EBF1: variants seen among roughly 807,000 people sequenced by gnomAD.
EBF1 encodes transcription factor COE1.
In EBF1, 10 loss-of-function variants were observed where a neutral mutation model predicts 68.4. The observed-to-expected ratio is 0.15, with a 90% CI of 0.09 to 0.25. The LOEUF is 0.25. EBF1 is among the 10% of genes least tolerant of loss of function. EBF1 has a pLI of 1.00. For missense variants in EBF1, 509 were observed against 794.4 expected (o/e 0.64, Z 4.32); for synonymous variants, 298 against 299.8 (o/e 0.99, Z 0.06).
At chr5:158,750,218 T>C (rs964381481) in intron 10 of EBF1, among the ~76,000 whole-genome samples, 3 of 152,166 alleles carry the variant, frequency 2.0e-5, no homozygotes, top group Admixed American at 6.5e-5. Context: ...CATTATAATA[T>C]TCAAACAATA....
At chr5:158,954,156 T>C (rs1350431445) in intron 6 of EBF1, among the ~76,000 whole-genome samples, 1 of 152,078 alleles carries the variant, frequency 6.6e-6, no homozygotes, top group Non-Finnish European at 1.5e-5. Context: ...CACAGCTTTC[T>C]TCCAGTTTCC....
In EBF1 at chr5:158,707,669, A is replaced by C. The variant is rs542981733; in HGVS notation, c.1744+310T>G. The stretch of plus-strand genomic sequence containing the variant: ...TGGCGACCACAAGGAGTGAAAGAGG[A>C]GAAAAGAGAAATGATGCTGTTAGTC... On this transcript the variant is annotated intron_variant, in intron 15 of 15. Coordinates refer to ENST00000313708, the MANE Select transcript of EBF1 (RefSeq NM_024007.5). 2 of 355,814 alleles carry C rather than the reference A, an allele frequency of 5.6e-6. 1 individual carries two copies. Among genetic ancestry groups the C allele is most frequent in the East Asian group, 7.8e-5 (2 of 25,774 alleles). 22.0% of individuals were successfully genotyped at this position (355,814 alleles called of 1,614,324 possible).
chr5:158,714,735 A>G (rs928472336), intron 11 of EBF1, among the ~76,000 whole-genome samples: 9 of 152,184 alleles, frequency 5.9e-5, no homozygotes, highest in African/African-American at 1.9e-4. Context: ...ACTGTTTGTC[A>G]AAAACTCTTA....
intron 11 of EBF1, 36 bp downstream of exon 11, chr5:158,731,033 A>C: frequency 6.3e-7 from 1 of 1,596,300 alleles, no homozygotes; most frequent in Non-Finnish European, 8.6e-7. Flanking sequence ...GCTCAAGTCC[A>C]AATTTTCAGG....
intron 10 of EBF1, among the ~76,000 whole-genome samples, chr5:158,765,463 A>T (rs917469659): frequency 6.6e-5 from 10 of 152,332 alleles, no homozygotes; most frequent in African/African-American, 2.4e-4. Context: ...CATTAAACAA[A>T]GATCTAAATT....
At chr5:158,971,121 A>G (rs1168466271) in intron 6 of EBF1, among the ~76,000 whole-genome samples, 1 of 152,222 alleles carries the variant, frequency 6.6e-6, no homozygotes, top group African/African-American at 2.4e-5. Flanking sequence ...TTTATCATGG[A>G]CTCAAAATCT....
chr5:159,043,513 C>T (rs865796474), intron 6 of EBF1, among the ~76,000 whole-genome samples: 2 of 152,162 alleles, frequency 1.3e-5, no homozygotes, highest in East Asian at 1.9e-4. Flanking sequence ...TAGGTGTCCA[C>T]TGAATGAATA....
rs529012964 is a variant in EBF1, at chr5:158,712,539, A to G, written c.1370-206T>C. On this transcript the variant is annotated intron_variant, in intron 13 of 15. Coordinates refer to ENST00000313708, the MANE Select transcript of EBF1 (RefSeq NM_024007.5). ...CAAAAGACACATTTCTTAGGAGATC[A>G]TAAATACTTAGCAGGGCCGTGAGAA... Among the ~76,000 whole-genome samples the G allele has an allele frequency of 2.0e-5, 3 of 152,298 alleles. No homozygotes were observed. The East Asian group carries it at 5.8e-4, about 29-fold the overall frequency.
chr5:158,883,344 G>GCACGTATATATATATATACACATACATA (rs1799286090), intron 6 of EBF1, among the ~76,000 whole-genome samples: 1 of 92,794 alleles, frequency 1.1e-5, no homozygotes, highest in African/African-American at 5.5e-5. Flanking sequence ...ACACATACAT[G>GCACGTATATATATATATACACATACATA]CATGTATATA....
At chr5:159,036,443 G>T (rs960157589) in intron 6 of EBF1, among the ~76,000 whole-genome samples, 3 of 146,564 alleles carry the variant, frequency 2.0e-5, no homozygotes, top group African/African-American at 7.8e-5. Flanking sequence ...CATGGTACTG[G>T]TACCAAAACA....
chr5:159,087,256 A>G (rs1286219699), intron 4 of EBF1, among the ~76,000 whole-genome samples: 1 of 141,780 alleles, frequency 7.1e-6, no homozygotes, highest in Non-Finnish European at 1.5e-5. Flanking sequence ...TTTCCCTAAT[A>G]TATATATATA....
intron 8 of EBF1, among the ~76,000 whole-genome samples, chr5:158,806,059 T>A (rs1374906190): frequency 6.6e-6 from 1 of 152,086 alleles, no homozygotes; most frequent in Non-Finnish European, 1.5e-5. Flanking sequence ...GTCCTCCATG[T>A]ATATATCCCT....
Position 158,866,833 on chromosome 5 carries a change from GTA to G in EBF1, c.555-26725_555-26724del, listed in dbSNP as rs70987938. 3.5e-3 allele frequency among the ~76,000 whole-genome samples: 329 copies of G among 92,852 alleles called. 11 individuals are homozygous for G. The highest frequency in any genetic ancestry group is 8.9e-3 in the African/African-American group (197 of 22,124). The allele number at this position is 92,852 out of a possible 152,430, so 60.9% of individuals were successfully genotyped here. ...GTAATATATGTATATATATGTATAT[GTA>G]TATATATATATATATATATATATAT... On this transcript the variant is annotated intron_variant, in intron 6 of 15. Coordinates refer to ENST00000313708, the MANE Select transcript of EBF1 (RefSeq NM_024007.5).
intron 6 of EBF1, among the ~76,000 whole-genome samples, chr5:158,891,688 A>G (rs1412896097): frequency 2.6e-5 from 4 of 152,178 alleles, no homozygotes; most frequent in African/African-American, 9.7e-5. Context: ...ATGTTTACGC[A>G]TACGTATGTG....
intron 6 of EBF1, among the ~76,000 whole-genome samples, chr5:158,938,031 T>A (rs566664154): frequency 6.6e-6 from 1 of 152,306 alleles, no homozygotes; most frequent in East Asian, 1.9e-4. Context: ...AGGCAAAATG[T>A]ACCTTTCTTT....
In EBF1 at chr5:158,705,896, C is replaced by T. The variant is rs184113963; in HGVS notation, c.1744+2083G>A. ...TTCCCGTCAACTGCTGATTATAAAC[C>T]CCATCATATCTTGTTTCTGATGTCA... On this transcript the variant is annotated intron_variant, in intron 15 of 15. Coordinates refer to ENST00000313708, the MANE Select transcript of EBF1 (RefSeq NM_024007.5). Among the ~76,000 whole-genome samples the T allele has an allele frequency of 3.3e-5, 5 of 152,322 alleles. No individual in the cohort carries two copies. The East Asian group carries it at 5.8e-4, about 18-fold the overall frequency.
At chr5:158,969,013 C>T (rs574376201) in intron 6 of EBF1, among the ~76,000 whole-genome samples, 1 of 152,294 alleles carries the variant, frequency 6.6e-6, no homozygotes, top group South Asian at 2.1e-4. Flanking sequence ...AAGAGTTTCT[C>T]AGGATTGGCT....
intron 1 of EBF1, chr5:159,097,483 A>C: frequency 3.2e-6 from 1 of 311,700 alleles, no homozygotes; most frequent in Non-Finnish European, 6.0e-6. Context: ...AAGTGAACCC[A>C]CCTTCGCGGA....
At chr5:158,810,036 A>G (rs1051843233) in intron 8 of EBF1, among the ~76,000 whole-genome samples, 1 of 152,232 alleles carries the variant, frequency 6.6e-6, no homozygotes, top group African/African-American at 2.4e-5. Context: ...GAGAGTTTCT[A>G]GGATTCTGCC....
Sources: gnomAD v4.1 joint callset for allele counts (sites outside exome capture counted in the v4.1 genomes callset) on GRCh38, gnomAD v4.1.1 for gene constraint, MANE v1.5 for transcripts, NCBI Gene and HGNC (gene_info 2026-07-23, HGNC 2026-07-21) for gene names.